Variants in TUSC3 observed in about 807,000 individuals in gnomAD.
The protein encoded by TUSC3 is dolichyl-diphosphooligosaccharide--protein glycosyltransferase subunit TUSC3.
A neutral mutation model predicts 44.8 loss-of-function variants in TUSC3; 45 were observed. That is an observed-to-expected ratio of 1.00 (90% CI 0.79 to 1.29). TUSC3 has a LOEUF of 1.29. TUSC3 is among the 50% of genes most tolerant of loss of function. The probability of loss-of-function intolerance (pLI) is 0.00; values close to 1 mark genes in which losing one functional copy is unlikely to be tolerated. For synonymous variants in TUSC3, 212 were observed against 152.9 expected, an observed-to-expected ratio of 1.39 and a Z score of -2.85; for missense variants, 519 against 437.9, an observed-to-expected ratio of 1.19 and a Z score of -1.65.
chr8:15,687,028 G>A (rs920696868), intron 6 of TUSC3, among the ~76,000 whole-genome samples: 25 of 152,152 alleles, frequency 1.6e-4, no homozygotes, highest in African/African-American at 5.3e-4. Context: ...AGCCGAGATC[G>A]TGCCACTGCA....
chr8:15,581,665 G>T (rs535979053), intron 1 of TUSC3, among the ~76,000 whole-genome samples: 1 of 149,364 alleles, frequency 6.7e-6, no homozygotes, highest in African/African-American at 2.5e-5. Flanking sequence ...TGAGGAGGCA[G>T]TCTGCCCGTT....
At chr8:15,464,044 T>G (rs1378335216) in intron 1 of TUSC3, among the ~76,000 whole-genome samples, 1 of 152,190 alleles carries the variant, frequency 6.6e-6, no homozygotes, top group African/African-American at 2.4e-5. Context: ...AGTAAGAGTC[T>G]ATCAAACTGT....
chr8:15,519,592 A>G (rs1801267046), intron 2 of TUSC3, among the ~76,000 whole-genome samples: 1 of 152,002 alleles, frequency 6.6e-6, no homozygotes, highest in Admixed American at 6.6e-5. Context: ...CACCTGAGGG[A>G]TCTAGGTTGT....
intron 2 of TUSC3, among the ~76,000 whole-genome samples, chr8:15,647,248 T>C (rs555694605): frequency 4.6e-5 from 7 of 152,158 alleles, no homozygotes; most frequent in Non-Finnish European, 1.0e-4. Context: ...GTTATCATTA[T>C]GATTCCTTTT....
chr8:15,650,867 C>T (rs1043140691), intron 3 of TUSC3, 53 bp downstream of exon 3: 9 of 1,562,078 alleles, frequency 5.8e-6, no homozygotes, highest in East Asian at 2.3e-5. Context: ...GTGGTCGATA[C>T]ATTTTTGTTT....
chr8:15,833,061 C>T, the TUSC3 span, among the ~76,000 whole-genome samples: 14 of 152,204 alleles, frequency 9.2e-5, no homozygotes, highest in Middle Eastern at 6.8e-3. Flanking sequence ...CATGAACAGA[C>T]GCTTTTCAAA....
the TUSC3 span, among the ~76,000 whole-genome samples, chr8:15,773,292 T>C: frequency 3.3e-5 from 5 of 152,166 alleles, no homozygotes; most frequent in Non-Finnish European, 7.4e-5. Flanking sequence ...ATGGTTAACA[T>C]GCAAAATCCA....
intron 2 of TUSC3, among the ~76,000 whole-genome samples, chr8:15,516,408 T>C (rs998075371): frequency 6.6e-6 from 1 of 152,206 alleles, no homozygotes; most frequent in Non-Finnish European, 1.5e-5. Flanking sequence ...CTTCAGGGCG[T>C]TATTCAATTA....
chr8:15,828,290 C>T, the TUSC3 span, among the ~76,000 whole-genome samples: 2 of 152,192 alleles, frequency 1.3e-5, no homozygotes, highest in African/African-American at 2.4e-5. Context: ...CCACCGCACC[C>T]AGCCAATATA....
intron 6 of TUSC3, chr8:15,689,346 A>T (rs1808787821): frequency 4.0e-6 from 1 of 249,622 alleles, no homozygotes. Flanking sequence ...CAGCATCTGG[A>T]CTCCCAGCTG....
chr8:15,568,813 A>G (rs1802766139), intron 1 of TUSC3, among the ~76,000 whole-genome samples: 1 of 152,100 alleles, frequency 6.6e-6, no homozygotes, highest in South Asian at 2.1e-4. Context: ...ATATTTGTGT[A>G]AAACTTTGTC....
chr8:15,534,142 G>C (rs1702167145), intron 2 of TUSC3, among the ~76,000 whole-genome samples: 2 of 151,988 alleles, frequency 1.3e-5, no homozygotes, highest in Non-Finnish European at 2.9e-5. Flanking sequence ...TGAGTTTGGG[G>C]CCTCAAGATT....
chr8:15,573,407 C>T (rs976356004), intron 1 of TUSC3, among the ~76,000 whole-genome samples: 2 of 151,488 alleles, frequency 1.3e-5, no homozygotes, highest in South Asian at 2.1e-4. Flanking sequence ...AATAGCGTGG[C>T]GGTGGGAATG....
chr8:15,659,017 G>A (rs1369487038), intron 3 of TUSC3, among the ~76,000 whole-genome samples: 1 of 152,066 alleles, frequency 6.6e-6, no homozygotes, highest in Non-Finnish European at 1.5e-5. Context: ...TTACAAAAAA[G>A]TAAAGTCTTT....
chr8:15,796,226 G>A, the TUSC3 span, among the ~76,000 whole-genome samples: 1 of 152,188 alleles, frequency 6.6e-6, no homozygotes, highest in Non-Finnish European at 1.5e-5. Context: ...GGTGGTGCAA[G>A]CTGAGTCAGC....
At chr8:15,755,417 A>G (rs1250329982) in intron 9 of TUSC3, among the ~76,000 whole-genome samples, 1 of 152,168 alleles carries the variant, frequency 6.6e-6, no homozygotes, top group African/African-American at 2.4e-5. Context: ...CTTCTGCTAA[A>G]AAGTTTTTCT....
intron 2 of TUSC3, among the ~76,000 whole-genome samples, chr8:15,527,120 G>A (rs1801383370): frequency 6.6e-6 from 1 of 152,162 alleles, no homozygotes; most frequent in Admixed American, 6.5e-5. Flanking sequence ...GGCGTGCACT[G>A]CTTAGCTGTC....
Position 15,730,677 on chromosome 8 carries a change from T to G in TUSC3, c.810T>G (p.His270Gln), listed in dbSNP as rs556293012. 3 of 1,613,120 alleles carry G rather than the reference T, an allele frequency of 1.9e-6. No individual in the cohort carries two copies. Among genetic ancestry groups the G allele is most frequent in the South Asian group, 1.1e-5 (1 of 91,022 alleles). The stretch of plus-strand genomic sequence containing the variant: ...GTCTTCTTTTATAGAGCTACATTCA[T>G]GGGAGCAGCCAGGCTCAGTTTGTGG... ...NPHNGQVSYI[H>Q]GSSQAQFVAE... Residue 270 changes from histidine to glutamine, a missense_variant, in exon 7 of 11, where the codon CAT becomes CAG. Physicochemically the swap from His to Gln is conservative, Grantham distance 24. Transcript: ENST00000503731.
At chr8:15,769,377 G>A (rs1437132177), downstream of TUSC3, among the ~76,000 whole-genome samples, 1 of 152,134 alleles carries the variant, frequency 6.6e-6, no homozygotes, top group Non-Finnish European at 1.5e-5. Context: ...CTAGCTATAT[G>A]CAGAAAACTG....
Sources: gnomAD v4.1 joint callset for allele counts (sites outside exome capture counted in the v4.1 genomes callset) on GRCh38, gnomAD v4.1.1 for gene constraint, MANE v1.5 for transcripts, NCBI Gene and HGNC (gene_info 2026-07-23, HGNC 2026-07-21) for gene names.